The following EML5 variants were observed in gnomAD, a reference collection of about 807,000 sequenced individuals.
The protein encoded by EML5 is echinoderm microtubule-associated protein-like 5.
A neutral mutation model predicts 250.0 loss-of-function variants in EML5; 120 were observed. That is an observed-to-expected ratio of 0.48 (90% confidence interval 0.41 to 0.56). EML5 has a LOEUF of 0.56. Among genes scored for constraint, EML5 ranks in the 20% least tolerant of loss-of-function variants. The pLI, the probability that EML5 is intolerant of heterozygous loss-of-function variation, is 0.00. For synonymous variants in EML5, 771 were observed against 806.5 expected, an observed-to-expected ratio of 0.96 and a Z score of 0.75; for missense variants, 2,006 against 2,437.6, an observed-to-expected ratio of 0.82 and a Z score of 3.73.
At chr14:88,772,613 C>T (rs570259626) in intron 1 of EML5, among the ~76,000 whole-genome samples, 5 of 152,178 alleles carry the variant, frequency 3.3e-5, no homozygotes, top group Admixed American at 6.6e-5. Flanking sequence ...ATTAGCAAGG[C>T]GTGGTGGTGC....
intron 27 of EML5, among the ~76,000 whole-genome samples, chr14:88,651,082 T>A (rs556983503): frequency 6.6e-6 from 1 of 152,104 alleles, no homozygotes; most frequent in South Asian, 2.1e-4. Flanking sequence ...ACCTCTTCAT[T>A]TGTAATCTCC....
intron 9 of EML5, among the ~76,000 whole-genome samples, chr14:88,713,597 T>C (rs2093441196): frequency 6.7e-6 from 1 of 149,822 alleles, no homozygotes; most frequent in Non-Finnish European, 1.5e-5. Flanking sequence ...CCACTGCAGG[T>C]GCATGCCACC....
intron 7 of EML5, among the ~76,000 whole-genome samples, chr14:88,731,845 C>T (rs894134272): frequency 3.3e-5 from 5 of 152,098 alleles, no homozygotes. Flanking sequence ...TTTCATGTGT[C>T]TGTTGGCTGC....
chr14:88,717,627 C>T (rs563765829), intron 8 of EML5, among the ~76,000 whole-genome samples: 15 of 152,034 alleles, frequency 9.9e-5, no homozygotes, highest in East Asian at 1.9e-4. Context: ...TGGTGGCATC[C>T]GCCTGTAATC....
intron 28 of EML5, among the ~76,000 whole-genome samples, chr14:88,649,398 A>T (rs974541128): frequency 3.9e-5 from 6 of 152,090 alleles, no homozygotes; most frequent in African/African-American, 1.4e-4. Context: ...CCATTTCCAC[A>T]CTGTCGTTTC....
intron 14 of EML5, among the ~76,000 whole-genome samples, chr14:88,698,445 T>G (rs1281889982): frequency 1.3e-5 from 2 of 152,000 alleles, no homozygotes; most frequent in East Asian, 3.9e-4. Flanking sequence ...TTTTGTATTT[T>G]TTGTAAAGAT....
At chr14:88,716,142 T>C (rs2093489552) in intron 8 of EML5, among the ~76,000 whole-genome samples, 1 of 152,196 alleles carries the variant, frequency 6.6e-6, no homozygotes, top group South Asian at 2.1e-4. Context: ...GTTACACATG[T>C]GCAAGAATTA....
At chr14:88,785,608 A>C (rs1325906585) in intron 1 of EML5, among the ~76,000 whole-genome samples, 1 of 152,258 alleles carries the variant, frequency 6.6e-6, no homozygotes, top group Non-Finnish European at 1.5e-5. Context: ...TGTTCTGACC[A>C]AAAATTCTGT....
chr14:88,743,013 C>T (rs1161461988), intron 4 of EML5, among the ~76,000 whole-genome samples: 2 of 152,044 alleles, frequency 1.3e-5, no homozygotes, highest in Non-Finnish European at 2.9e-5. Flanking sequence ...TTAAAAGTAA[C>T]TATAAACATA....
At chr14:88,661,170 C>T (rs2092087011) in intron 25 of EML5, among the ~76,000 whole-genome samples, 1 of 152,168 alleles carries the variant, frequency 6.6e-6, no homozygotes, top group Non-Finnish European at 1.5e-5. Flanking sequence ...CTCACTGTAG[C>T]CTCCAACTCC....
intron 35 of EML5, 115 bp from the exon 36 acceptor site, chr14:88,625,242 A>G: frequency 8.2e-7 from 1 of 1,220,922 alleles, no homozygotes; most frequent in Non-Finnish European, 1.1e-6. Flanking sequence ...AAGAGCATGC[A>G]TCGTGTAGTG....
At chr14:88,731,324 G>GT (rs57416233) in intron 7 of EML5, among the ~76,000 whole-genome samples, 96,352 of 150,574 alleles carry the variant, frequency 0.64, 32,766 homozygotes, top group East Asian at 0.94. Context: ...GCAGTGTTTG[G>GT]TTTTTGTCCT....
chr14:88,699,205 G>A (rs1398163626), intron 14 of EML5, among the ~76,000 whole-genome samples: 1 of 152,054 alleles, frequency 6.6e-6, no homozygotes, highest in Non-Finnish European at 1.5e-5. Flanking sequence ...TAGAAGTGGA[G>A]GGGAAGAGTT....
chr14:88,790,488 TAGA>T (rs2094595081), intron 1 of EML5, among the ~76,000 whole-genome samples: 1 of 152,234 alleles, frequency 6.6e-6, no homozygotes, highest in South Asian at 2.1e-4. Flanking sequence ...TAATTACTGC[TAGA>T]AGAACAAGAT....
intron 27 of EML5, among the ~76,000 whole-genome samples, chr14:88,652,478 T>C (rs2091675663): frequency 2.0e-5 from 3 of 152,180 alleles, no homozygotes; most frequent in Non-Finnish European, 2.9e-5. Context: ...CAAATCCCTC[T>C]GACGAAGCTT....
intron 10 of EML5, among the ~76,000 whole-genome samples, chr14:88,711,354 T>C (rs61986665): frequency 0.34 from 35,166 of 103,446 alleles, 4,653 homozygotes; most frequent in East Asian, 0.57. Context: ...TCTCACGAGA[T>C]CTGATGGTTT....
In EML5 at chr14:88,658,349, T is replaced by C; in HGVS notation, c.3715A>G (p.Thr1239Ala). ...GTCCAGCGAACATTTGTGACATGTG[T>C]ACTATGGGCCACATACCTCTTAAAC... The part of the protein sequence containing the change: ...GKFKRYVAHS[T>A]HVTNVRWTYD... The change falls in exon 26 of 44, where the codon ACA (threonine) becomes GCA (alanine). Residue 1239 changes from threonine to alanine, a missense_variant. Transcript: ENST00000554922. 2.5e-6 allele frequency: 4 copies of C among 1,613,742 alleles called. No homozygotes were observed. Among genetic ancestry groups the C allele is most frequent in the Non-Finnish European group, 3.4e-6 (4 of 1,179,728 alleles).
At chr14:88,689,204 CT>C (rs2092904682) in intron 17 of EML5, among the ~76,000 whole-genome samples, 1 of 152,132 alleles carries the variant, frequency 6.6e-6, no homozygotes, top group African/African-American at 2.4e-5. Flanking sequence ...AAGGCCTCTT[CT>C]ATACAAGTGC....
intron 7 of EML5, among the ~76,000 whole-genome samples, chr14:88,726,978 C>G (rs2093675679): frequency 6.6e-6 from 1 of 152,160 alleles, no homozygotes; most frequent in Non-Finnish European, 1.5e-5. Flanking sequence ...AAGCAATCCT[C>G]TAGCCTCAGC....
Sources: allele counts gnomAD v4.1 joint callset (sites outside exome capture counted in the v4.1 genomes callset), GRCh38; gene constraint gnomAD v4.1.1; transcripts MANE v1.5; gene names NCBI Gene and HGNC (gene_info 2026-07-23, HGNC 2026-07-21).